The following USP20 variants were observed in gnomAD, a reference collection of about 807,000 sequenced individuals.
USP20 encodes the protein ubiquitin carboxyl-terminal hydrolase 20.
In USP20, 80 loss-of-function variants were observed where a neutral mutation model predicts 124.2. That is an observed-to-expected ratio of 0.64 (90% confidence interval 0.54 to 0.78). The LOEUF (loss-of-function observed/expected upper bound fraction) is 0.78. USP20 is among the 30% of genes least tolerant of loss of function. The pLI is 0.00. For missense variants in USP20, 1,043 were observed against 1,244.4 expected (o/e 0.84, Z 2.44); for synonymous variants, 481 against 512.3 (o/e 0.94, Z 0.83).
chr9:129,836,656 C>A (rs1053602565), intron 1 of USP20, among the ~76,000 whole-genome samples: 6 of 152,242 alleles, frequency 3.9e-5, no homozygotes, highest in Non-Finnish European at 5.9e-5. Flanking sequence ...CTGGAACAGT[C>A]TCCACTGAGA....
In USP20 at chr9:129,868,384, T is replaced by C; in HGVS notation, c.1070T>C (p.Leu357Pro). Residue 357 changes from leucine (L) to proline (P), a missense_variant, in exon 11 of 26, where the codon CTT becomes CCT. Leu to Pro is a moderately conservative substitution (Grantham distance 98). Coordinates refer to ENST00000372429, the MANE Select transcript of USP20 (RefSeq NM_001110303.4). ...DADVDTAMAA[L>P]DDQPAEAQPP... is the part of the protein sequence containing the mutation. ...GATGTGGACACTGCCATGGCTGCCCTTGACGACCAGCCCGCGGAGGCCCAG... is the reference window on the plus strand; with the variant it reads ...GATGTGGACACTGCCATGGCTGCCCCTGACGACCAGCCCGCGGAGGCCCAG... The C allele has an allele frequency of 6.7e-7, 1 of 1,502,800 alleles. No individual in the cohort carries two copies. The highest frequency in any genetic ancestry group is 8.9e-7 in the Non-Finnish European group (1 of 1,124,808). The allele number at this position is 1,502,800 out of a possible 1,614,324, so 93.1% of individuals were successfully genotyped here.
At chr9:129,867,062 C>G (rs2033853006) in intron 10 of USP20, among the ~76,000 whole-genome samples, 1 of 152,198 alleles carries the variant, frequency 6.6e-6, no homozygotes, top group South Asian at 2.1e-4. Context: ...TACGTGACCC[C>G]TGCCTCCTGG....
chr9:129,869,257 C>T (rs1196310887), intron 12 of USP20, 53 bp from the exon 13 acceptor site: 34 of 1,560,524 alleles, frequency 2.2e-5, no homozygotes, highest in Middle Eastern at 1.7e-4. Flanking sequence ...GGGCCCGCAC[C>T]TCGCCCCGGC....
chr9:129,877,258 C>G (rs2034448009), intron 22 of USP20, among the ~76,000 whole-genome samples: 1 of 152,232 alleles, frequency 6.6e-6, no homozygotes, highest in Non-Finnish European at 1.5e-5. Flanking sequence ...GTGGCTCACG[C>G]CTGTGATCCC....
At chr9:129,856,158 G>A (rs544317191) in intron 3 of USP20, 149 bp from the exon 4 acceptor site, 26 of 750,008 alleles carry the variant, frequency 3.5e-5, no homozygotes, top group African/African-American at 2.2e-4. Flanking sequence ...GAAGTCTGGC[G>A]AAGGCCTTTC....
At chr9:129,863,346 T>C in intron 9 of USP20, 47 bp downstream of exon 9, 1 of 1,443,502 alleles carries the variant, frequency 6.9e-7, no homozygotes, top group Non-Finnish European at 9.4e-7. Flanking sequence ...GGGACTGGGG[T>C]TTCCTGTCAG....
chr9:129,837,739 A>G (rs1457447925), intron 1 of USP20, among the ~76,000 whole-genome samples: 1 of 152,238 alleles, frequency 6.6e-6, no homozygotes, highest in Non-Finnish European at 1.5e-5. Context: ...GCAAATTAAA[A>G]TTAGCGCATT....
intron 3 of USP20, 53 bp downstream of exon 3, chr9:129,852,689 C>A: frequency 6.5e-7 from 1 of 1,526,994 alleles, no homozygotes; most frequent in Admixed American, 2.0e-5. Context: ...CTGCCTCTTT[C>A]CTGGGGTGTG....
intron 13 of USP20, 35 bp downstream of exon 13, chr9:129,869,460 G>C (rs918311668): frequency 6.2e-7 from 1 of 1,601,128 alleles, no homozygotes; most frequent in Non-Finnish European, 8.6e-7. Context: ...GCTGGGCCAG[G>C]CTGCCAGTGG....
intron 12 of USP20, 65 bp downstream of exon 12, chr9:129,869,067 C>T: frequency 6.6e-7 from 1 of 1,519,972 alleles, no homozygotes. Context: ...CCGTAGCTGC[C>T]TTTCTCATGG....
rs2034605567 is a variant in USP20, at chr9:129,880,752, CCT to C, written c.*303_*304del. 1 of 163,812 alleles carries C rather than the reference CCT, an allele frequency of 6.1e-6. No individual in the cohort carries two copies. Among genetic ancestry groups the C allele is most frequent in the Admixed American group, 5.8e-5 (1 of 17,336 alleles). 10.1% of individuals were successfully genotyped at this position (163,812 alleles called of 1,614,324 possible). A position where few individuals can be genotyped will look rare whatever the true frequency, so the allele number is the denominator to read the frequency against. Reference sequence around the variant, plus strand: ...TTTGTCCCTGGAGCCCGATGCTACCCCTGTCAGACAGAGGCTGCGGCCTGGGC... The same window carrying C: ...TTTGTCCCTGGAGCCCGATGCTACCCGTCAGACAGAGGCTGCGGCCTGGGC... On this transcript the variant is annotated 3_prime_UTR_variant, in exon 26 of 26. Coordinates refer to ENST00000372429, the MANE Select transcript of USP20 (RefSeq NM_001110303.4).
intron 6 of USP20, 62 bp downstream of exon 6, chr9:129,858,660 T>G: frequency 6.3e-7 from 1 of 1,589,076 alleles, no homozygotes. Context: ...TGAGGCAGTG[T>G]GACCTGAGCA....
At position 129,879,038 on chromosome 9, in the gene USP20, C is replaced by T. The variant is rs1274467791; in HGVS notation, c.2513-535C>T. Among the ~76,000 whole-genome samples the T allele has an allele frequency of 6.6e-6, 1 of 152,226 alleles. No individual in the cohort carries two copies. The highest frequency in any genetic ancestry group is 1.5e-5 in the Non-Finnish European group (1 of 68,034). On this transcript the variant is annotated intron_variant, in intron 23 of 25. Coordinates refer to ENST00000372429, the MANE Select transcript of USP20 (RefSeq NM_001110303.4). This position sits in a 1 kb window ranked among gnomAD's most constrained non-coding sequence, Gnocchi z 4.2. ...GTGCTTGGGAAGGGAGGCCTCATTG[C>T]CATCCCGCTAGTCGGGGAAGGTGCC...
chr9:129,875,446 A>G lies in USP20; in HGVS notation c.2185A>G (p.Ile729Val). ...KFNTFAEPGPITNQTFLCSHG... is the reference protein window; with the variant it reads ...KFNTFAEPGPVTNQTFLCSHG... ...CAACACCTTCGCGGAGCCAGGCCCC[A>G]TCACCAACCAGACCTTCCTCTGCTC... Residue 729 changes from isoleucine to valine, a missense_variant, in exon 20 of 26, where the codon ATC (isoleucine) becomes GTC (valine). By Grantham distance (29) the Ile-to-Val change is conservative. Coordinates refer to ENST00000372429, the MANE Select transcript of USP20 (RefSeq NM_001110303.4). 1.9e-6 allele frequency: 3 copies of G among 1,613,580 alleles called. No homozygotes were observed. Among genetic ancestry groups the G allele is most frequent in the Non-Finnish European group, 2.5e-6 (3 of 1,179,850 alleles).
chr9:129,876,793 G>A (rs1004312274), intron 22 of USP20, among the ~76,000 whole-genome samples: 6 of 152,148 alleles, frequency 3.9e-5, no homozygotes, highest in African/African-American at 1.4e-4. Flanking sequence ...CCAGTAGATG[G>A]ATCCCATTCT....
At position 129,876,412 on chromosome 9, in the gene USP20, A is replaced by C. The variant is rs548360044; in HGVS notation, c.2409+174A>C. Among the ~76,000 whole-genome samples, 4 of 152,158 alleles carry C rather than the reference A, an allele frequency of 2.6e-5. No individual in the cohort carries two copies. The South Asian group carries it at 8.3e-4, about 32-fold the overall frequency. On this transcript the variant is annotated intron_variant, in intron 22 of 25. Transcript: ENST00000372429. Reference sequence around the variant, plus strand: ...CCAGCACTTTGGGAGGCTGAGACGAACAGATCACTTGAGGTCAGGAGTTTG... The same window carrying C: ...CCAGCACTTTGGGAGGCTGAGACGACCAGATCACTTGAGGTCAGGAGTTTG...
At chr9:129,853,911 G>C (rs4288466) in intron 3 of USP20, among the ~76,000 whole-genome samples, 132,530 of 152,120 alleles carry the variant, frequency 0.87, 58,202 homozygotes, top group East Asian at 1. Context: ...GTGCTCTGGG[G>C]CTGTGTGTCA....
Position 129,873,744 on chromosome 9 carries a change from G to A in USP20, c.1740G>A (p.Glu580=). ...ACTGCAAAGTCCTGCGGTTGCCCGAGGTGAGCCAGTGGCCTCGGCAGCCTC... is the reference window on the plus strand; with the variant it reads ...ACTGCAAAGTCCTGCGGTTGCCCGAAGTGAGCCAGTGGCCTCGGCAGCCTC... The part of the protein sequence containing the change: ...VKYCKVLRLP[E]ILCIHLKRFR... The change falls in exon 17 of 26, where the codon GAG becomes GAA. Residue 580 remains glutamate, a splice_region_variant and synonymous_variant. Coordinates refer to ENST00000372429, the MANE Select transcript of USP20 (RefSeq NM_001110303.4). The A allele has an allele frequency of 3.1e-6, 5 of 1,612,194 alleles. No individual in the cohort carries two copies. The highest frequency in any genetic ancestry group is 4.2e-6 in the Non-Finnish European group (5 of 1,180,006).
intron 21 of USP20, 104 bp downstream of exon 21, chr9:129,875,745 A>C: frequency 1.8e-6 from 2 of 1,127,410 alleles, no homozygotes; most frequent in Non-Finnish European, 2.5e-6. Context: ...CCCACACCAC[A>C]CTCTGGCCTC....
Sources: allele counts gnomAD v4.1 joint callset (sites outside exome capture counted in the v4.1 genomes callset), GRCh38; gene constraint gnomAD v4.1.1; non-coding constraint Gnocchi (gnomAD v3.1); transcripts MANE v1.5; gene names NCBI Gene and HGNC (gene_info 2026-07-23, HGNC 2026-07-21).